Variants in PI4KA observed in about 807,000 individuals in gnomAD.
The protein encoded by PI4KA is PI4-kinase alpha.
In PI4KA, 122 loss-of-function variants were observed where a neutral mutation model predicts 271.4. The ratio of observed to expected loss-of-function variants is 0.45; its 90% CI spans 0.39 to 0.52. The LOEUF (loss-of-function observed/expected upper bound fraction) is 0.52, where lower values mean the gene tolerates loss of function less well. Among genes scored for constraint, PI4KA ranks in the 20% least tolerant of loss-of-function variants. The pLI, the probability that PI4KA is intolerant of heterozygous loss-of-function variation, is 0.00. For missense variants in PI4KA, 1,969 were observed against 2,769.1 expected, an observed-to-expected ratio of 0.71 and a Z score of 6.48; for synonymous variants, 1,041 against 1,078.8, an observed-to-expected ratio of 0.96 and a Z score of 0.69.
intron 3 of PI4KA, among the ~76,000 whole-genome samples, chr22:20,832,517 G>C (rs1924319885): frequency 6.6e-6 from 1 of 152,028 alleles, no homozygotes; most frequent in Non-Finnish European, 1.5e-5. Context: ...GCAGTGGCAT[G>C]ATCTCAGCTC....
At chr22:20,811,668 A>G (rs1921035709) in intron 8 of PI4KA, among the ~76,000 whole-genome samples, 2 of 151,484 alleles carry the variant, frequency 1.3e-5, no homozygotes, top group Non-Finnish European at 2.9e-5. Flanking sequence ...GTCATTTCCA[A>G]AATGTATAGA....
intron 42 of PI4KA, chr22:20,721,875 AC>A: frequency 6.1e-6 from 1 of 162,698 alleles, no homozygotes; most frequent in Admixed American, 5.8e-5. Context: ...TTGTGTCCCC[AC>A]CCAAATGTCA....
chr22:20,837,463 TTTAA>T (rs1925008712), intron 2 of PI4KA, among the ~76,000 whole-genome samples: 1 of 152,226 alleles, frequency 6.6e-6, no homozygotes, highest in South Asian at 2.1e-4. Context: ...AGGTAACCTA[TTTAA>T]TTATTAAAAT....
chr22:20,804,422 G>C (rs763785662), intron 11 of PI4KA, 22 bp from the exon 12 acceptor site: 2 of 1,519,262 alleles, frequency 1.3e-6, no homozygotes, highest in Non-Finnish European at 1.8e-6. Context: ...ACCAGAAGAG[G>C]AGATGAGTGA....
intron 1 of PI4KA, among the ~76,000 whole-genome samples, chr22:20,856,263 G>C (rs1053093671): frequency 6.7e-6 from 1 of 150,362 alleles, no homozygotes; most frequent in African/African-American, 2.5e-5. Context: ...AGTGAGCCGA[G>C]ATCTCACCAC....
At chr22:20,737,634 CTTTT>C (rs760945752) in intron 32 of PI4KA, among the ~76,000 whole-genome samples, 9 of 141,316 alleles carry the variant, frequency 6.4e-5, no homozygotes, top group Non-Finnish European at 1.1e-4. Flanking sequence ...TACTCTTTTT[CTTTT>C]TTTTTTTTTT....
intron 19 of PI4KA, among the ~76,000 whole-genome samples, chr22:20,769,507 A>G (rs971473765): frequency 1.2e-4 from 18 of 152,096 alleles, no homozygotes; most frequent in Admixed American, 2.6e-4. Flanking sequence ...ATCTCTACTA[A>G]AAATACAAAA....
At chr22:20,852,473 GTTGT>G (rs1481157333) in intron 1 of PI4KA, among the ~76,000 whole-genome samples, 1 of 152,172 alleles carries the variant, frequency 6.6e-6, no homozygotes, top group African/African-American at 2.4e-5. Flanking sequence ...ATATATCTGT[GTTGT>G]TTAAGCCAGT....
At chr22:20,746,283 C>T (rs553576777) in intron 29 of PI4KA, among the ~76,000 whole-genome samples, 68 of 151,912 alleles carry the variant, frequency 4.5e-4, no homozygotes, top group African/African-American at 1.2e-3. Context: ...AGGATGGTCT[C>T]GATCCACTGA....
intron 1 of PI4KA, among the ~76,000 whole-genome samples, chr22:20,846,982 C>G (rs1926349413): frequency 6.6e-6 from 1 of 151,400 alleles, no homozygotes; most frequent in South Asian, 2.1e-4. Context: ...CCCGTCTCTA[C>G]TAAAAATACA....
rs1601302195 is a variant in PI4KA at position 20,710,108 on chromosome 22, C to G, written c.6084-111G>C. 7.3e-6 allele frequency: 5 copies of G among 683,986 alleles called. No homozygotes were observed. The East Asian group carries it at 1.4e-4, about 19-fold the overall frequency. 42.4% of individuals were successfully genotyped at this position (683,986 alleles called of 1,614,324 possible). On this transcript the variant is annotated intron_variant, in intron 52 of 54. Transcript: ENST00000255882. ...CAGCCTCAGGTGTGGGCTCCTGCCACCCACCTCGCCTGCCACATCTTGCAC... is the reference window on the plus strand; with the variant it reads ...CAGCCTCAGGTGTGGGCTCCTGCCAGCCACCTCGCCTGCCACATCTTGCAC...
At chr22:20,813,598 A>C in intron 7 of PI4KA, 92 bp from the exon 8 acceptor site, 1 of 1,152,654 alleles carries the variant, frequency 8.7e-7, no homozygotes, top group Non-Finnish European at 1.2e-6. Context: ...ACAAAGGTGC[A>C]GATTTTGCCT....
chr22:20,765,470 C>G (rs1427759899), intron 20 of PI4KA, 115 bp downstream of exon 20: 4 of 789,164 alleles, frequency 5.1e-6, no homozygotes, highest in Non-Finnish European at 8.6e-6. Context: ...CAGAAAGAAG[C>G]AGCTGCATGT....
chr22:20,813,458 G>A lies in PI4KA; in HGVS notation c.905C>T (p.Ser302Leu). 6.2e-7 allele frequency: 1 copy of A among 1,613,952 alleles called. No homozygotes were observed. Among genetic ancestry groups the A allele is most frequent in the Non-Finnish European group, 8.5e-7 (1 of 1,179,850 alleles). Residue 302 changes from serine (S) to leucine (L), a missense_variant, in exon 8 of 55, where the codon TCA (serine) becomes TTA (leucine). Ser to Leu is a moderately radical substitution (Grantham distance 145). Around this residue, in one of 13 missense-constraint regions of PI4KA, gnomAD observed 540 missense variants for 555.5 expected, o/e 0.97. Coordinates refer to ENST00000255882, the MANE Select transcript of PI4KA (RefSeq NM_058004.4). The stretch of plus-strand genomic sequence containing the variant: ...GACTGAGAAGCTGGAGCTGATGGTT[G>A]AAAAGTAGTACTCAGGCTCTAGGGC... ...GTALEPEYYF[S>L]TISSSFSVSP...
At chr22:20,825,805 T>C (rs1472533464) in intron 3 of PI4KA, among the ~76,000 whole-genome samples, 1 of 152,144 alleles carries the variant, frequency 6.6e-6, no homozygotes, top group African/African-American at 2.4e-5. Context: ...TTACGGGGGT[T>C]TGGTGTACAG....
chr22:20,836,634 C>G (rs144869178), intron 2 of PI4KA, among the ~76,000 whole-genome samples: 129 of 152,308 alleles, frequency 8.5e-4, no homozygotes, highest in African/African-American at 2.9e-3. Flanking sequence ...ATGCACAGCC[C>G]ATCCTGGAGG....
intron 32 of PI4KA, among the ~76,000 whole-genome samples, chr22:20,740,945 T>TA (rs1476283552): frequency 6.6e-6 from 1 of 152,216 alleles, no homozygotes; most frequent in East Asian, 1.9e-4. Context: ...CTGGAACTGT[T>TA]AAAGAAAATT....
intron 45 of PI4KA, among the ~76,000 whole-genome samples, chr22:20,717,156 C>G (rs2080333): frequency 6.6e-6 from 1 of 152,202 alleles, no homozygotes; most frequent in African/African-American, 2.4e-5. Flanking sequence ...TGAGGCGACA[C>G]AGCGAAACTC....
chr22:20,857,494 C>T (rs1169899353), intron 1 of PI4KA, among the ~76,000 whole-genome samples: 1 of 152,228 alleles, frequency 6.6e-6, no homozygotes, highest in Admixed American at 6.5e-5. Context: ...GGTCTCCGGT[C>T]ACCACTGTCT....
Sources: allele counts gnomAD v4.1 joint callset (sites outside exome capture counted in the v4.1 genomes callset), GRCh38; gene constraint gnomAD v4.1.1; regional missense constraint gnomAD v4.1.1; transcripts MANE v1.5; gene names NCBI Gene and HGNC (gene_info 2026-07-23, HGNC 2026-07-21).